The following ADGRV1 variants were observed in gnomAD, a reference collection of about 807,000 sequenced individuals.
The protein encoded by ADGRV1 is adhesion G protein-coupled receptor V1, also known as G-protein coupled receptor 98.
In ADGRV1, 359 loss-of-function variants were observed where a neutral mutation model predicts 596.2. That is an observed-to-expected ratio of 0.60 (90% CI 0.55 to 0.66). ADGRV1 has a LOEUF of 0.66. ADGRV1 is among the 30% of genes least tolerant of loss of function. The probability of loss-of-function intolerance (pLI) is 0.00; values close to 1 mark genes in which losing one functional copy is unlikely to be tolerated. For synonymous variants in ADGRV1, 2,681 were observed against 2,679.2 expected (o/e 1.00, Z -0.02); for missense variants, 7,274 against 7,575.6 (o/e 0.96, Z 1.48).
chr5:90,842,451 C>T (rs1765515180), intron 78 of ADGRV1, among the ~76,000 whole-genome samples: 1 of 151,920 alleles, frequency 6.6e-6, no homozygotes, highest in South Asian at 2.1e-4. Context: ...TAAAATATTG[C>T]CTGTAATCCC....
intron 1 of ADGRV1, among the ~76,000 whole-genome samples, chr5:90,613,188 A>C (rs762882994): frequency 2.2e-4 from 33 of 152,230 alleles, no homozygotes; most frequent in Admixed American, 8.5e-4. Context: ...CAAGGACTGT[A>C]GATTTTTCTT....
At position 91,032,476 on chromosome 5, in the gene ADGRV1, T is replaced by C. The variant is rs115728267; in HGVS notation, c.18153-39971T>C. 6.1e-3 allele frequency among the ~76,000 whole-genome samples: 930 copies of C among 152,272 alleles called. 8 individuals carry two copies. Among genetic ancestry groups the C allele is most frequent in the African/African-American group, 0.022 (898 of 41,562 alleles). On this transcript the variant is annotated intron_variant, in intron 85 of 89. Coordinates refer to ENST00000405460, the MANE Select transcript of ADGRV1 (RefSeq NM_032119.4). Reference sequence around the variant, plus strand: ...GTCGTCTATCTCTGCTACCTTCATTTGTCTTTATTTCACCAATATTGGCTT... The same window carrying C: ...GTCGTCTATCTCTGCTACCTTCATTCGTCTTTATTTCACCAATATTGGCTT...
At position 90,778,536 on chromosome 5, in the gene ADGRV1, T is replaced by A; in HGVS notation, c.12776T>A (p.Val4259Glu). ...TCCAGCAGCACTGCCAACATCACGG[T>A]GGTGGCCAGCGACTCTCCCTATGGC... ...SESSSTANIT[V>E]VASDSPYGRF... Residue 4259 changes from valine (V) to glutamate (E), a missense_variant, in exon 63 of 90, where the codon GTG becomes GAG. Transcript: ENST00000405460. 12 of 1,613,022 alleles carry A rather than the reference T, an allele frequency of 7.4e-6. No individual in the cohort carries two copies. Among genetic ancestry groups the A allele is most frequent in the Non-Finnish European group, 9.3e-6 (11 of 1,179,426 alleles).
intron 83 of ADGRV1, among the ~76,000 whole-genome samples, chr5:90,901,949 T>C (rs1469946154): frequency 6.6e-6 from 1 of 152,054 alleles, no homozygotes; most frequent in Non-Finnish European, 1.5e-5. Flanking sequence ...CTTGGGATAG[T>C]GGAAGCAGAG....
chr5:90,883,601 G>A (rs1402282257), intron 83 of ADGRV1, among the ~76,000 whole-genome samples: 1 of 152,072 alleles, frequency 6.6e-6, no homozygotes, highest in Non-Finnish European at 1.5e-5. Flanking sequence ...CCTTCCAAAT[G>A]TATTTGCATA....
chr5:91,121,605 C>T (rs1401556632), intron 87 of ADGRV1, among the ~76,000 whole-genome samples: 3 of 152,076 alleles, frequency 2.0e-5, no homozygotes, highest in South Asian at 2.1e-4. Context: ...ATTCGAGCTG[C>T]GGTTCAGAAC....
At chr5:90,991,877 A>G (rs959907767) in intron 85 of ADGRV1, among the ~76,000 whole-genome samples, 1 of 152,126 alleles carries the variant, frequency 6.6e-6, no homozygotes, top group Non-Finnish European at 1.5e-5. Flanking sequence ...GAGAATCATG[A>G]AAAAAAAGTT....
In ADGRV1 at chr5:90,629,408, G is replaced by A. The variant is rs773004437; in HGVS notation, c.1708G>A (p.Ala570Thr). 2 of 1,613,528 alleles carry A rather than the reference G, an allele frequency of 1.2e-6. No homozygotes were observed. Among genetic ancestry groups the A allele is most frequent in the Non-Finnish European group, 1.7e-6 (2 of 1,179,818 alleles). Residue 570 changes from alanine (A) to threonine (T), a missense_variant, in exon 9 of 90, where the codon GCA becomes ACA. Physicochemically the swap from Ala to Thr is moderately conservative, Grantham distance 58 (BLOSUM62 0). Around this residue, in one of 5 missense-constraint regions of ADGRV1, gnomAD observed 1,715 missense variants for 1,708.8 expected, o/e 1.00. Transcript: ENST00000405460. ...TGCTGGAGCTGTGGACCCCTTGCAAGCAAAAGAAGGCATCTTAAATATATC... is the reference window on the plus strand; with the variant it reads ...TGCTGGAGCTGTGGACCCCTTGCAAACAAAAGAAGGCATCTTAAATATATC... Reference protein sequence around the residue: ...IPAGAVDPLQAKEGILNISRR... With the variant: ...IPAGAVDPLQTKEGILNISRR...
Position 90,813,132 on chromosome 5 carries a change from CAAAAAAAAAAAAAAAA to C in ADGRV1, c.16078+1811_16078+1826del, listed in dbSNP as rs5869522. Among the ~76,000 whole-genome samples the C allele has an allele frequency of 2.7e-3, 94 of 34,922 alleles. 2 individuals are homozygous for C. The highest frequency in any genetic ancestry group is 0.045 in the Middle Eastern group (1 of 22). The allele number at this position is 34,922 out of a possible 152,430, so 22.9% of individuals were successfully genotyped here. A position where few individuals can be genotyped will look rare whatever the true frequency, so the allele number is the denominator to read the frequency against. On this transcript the variant is annotated intron_variant, in intron 74 of 89. Transcript: ENST00000405460. ...TGGGCGACAGAGTAAGACTCCGTCT[CAAAAAAAAAAAAAAAA>C]AAAAAAAAAAAAAAAATTTATTTGG...
At chr5:90,966,222 G>GA (rs1298546263) in intron 84 of ADGRV1, among the ~76,000 whole-genome samples, 1 of 152,150 alleles carries the variant, frequency 6.6e-6, no homozygotes, top group Non-Finnish European at 1.5e-5. Context: ...GTGCCTATGA[G>GA]ACTTCCAGTG....
At chr5:90,968,465 T>A (rs762667833) in intron 84 of ADGRV1, among the ~76,000 whole-genome samples, 3 of 152,222 alleles carry the variant, frequency 2.0e-5, no homozygotes, top group Non-Finnish European at 4.4e-5. Context: ...CTGATTCACA[T>A]TTAGTAGACC....
intron 87 of ADGRV1, among the ~76,000 whole-genome samples, chr5:91,145,608 C>G (rs2126869244): frequency 6.7e-6 from 1 of 149,358 alleles, no homozygotes; most frequent in East Asian, 2.1e-4. Context: ...AACTAATTCA[C>G]TTATTATCAT....
chr5:90,850,434 A>G (rs1766369306), intron 79 of ADGRV1, among the ~76,000 whole-genome samples: 1 of 152,164 alleles, frequency 6.6e-6, no homozygotes, highest in Non-Finnish European at 1.5e-5. Flanking sequence ...TCAGCTCCTT[A>G]GTGCCTCTTA....
At chr5:91,024,366 T>C (rs1163868001) in intron 85 of ADGRV1, among the ~76,000 whole-genome samples, 1 of 152,144 alleles carries the variant, frequency 6.6e-6, no homozygotes, top group East Asian at 1.9e-4. Flanking sequence ...TTTTAGTAGG[T>C]TAATAAACCC....
In ADGRV1 at chr5:90,823,513, G is replaced by C. The variant is rs183851734; in HGVS notation, c.16285G>C (p.Glu5429Gln). The change falls in exon 76 of 90, where the codon GAA becomes CAA. Residue 5429 changes from glutamate to glutamine, a missense_variant. Glu to Gln is a conservative substitution (Grantham distance 29). Coordinates refer to ENST00000405460, the MANE Select transcript of ADGRV1 (RefSeq NM_032119.4). ...LQKDGVNLVE[E>Q]LQSVSGTTTC... ...GAAGGATGGGGTAAACCTGGTGGAGGAACTTCAGTCTGTGTCAGGGACCAC... is the reference window on the plus strand; with the variant it reads ...GAAGGATGGGGTAAACCTGGTGGAGCAACTTCAGTCTGTGTCAGGGACCAC... The C allele has an allele frequency of 1.9e-6, 3 of 1,613,728 alleles. No homozygotes were observed. Among genetic ancestry groups the C allele is most frequent in the Admixed American group, 1.7e-5 (1 of 60,002 alleles).
At chr5:90,754,874 TC>T in intron 54 of ADGRV1, 108 bp from the exon 55 acceptor site, 2 of 724,478 alleles carry the variant, frequency 2.8e-6, no homozygotes, top group Non-Finnish European at 4.6e-6. Context: ...TACTTCTTTT[TC>T]CTTAACTGTC....
intron 85 of ADGRV1, among the ~76,000 whole-genome samples, chr5:91,021,121 G>T (rs1783597608): frequency 6.6e-6 from 1 of 152,036 alleles, no homozygotes. Flanking sequence ...TGGATCCTAA[G>T]AGCAGTTATT....
intron 84 of ADGRV1, among the ~76,000 whole-genome samples, chr5:90,984,894 T>C (rs1395782311): frequency 1.3e-5 from 2 of 152,206 alleles, no homozygotes; most frequent in East Asian, 3.9e-4. Flanking sequence ...ACTAGAACAG[T>C]ATCTGGCCCT....
At chr5:90,726,720 T>C (rs1751840588) in intron 48 of ADGRV1, among the ~76,000 whole-genome samples, 1 of 151,758 alleles carries the variant, frequency 6.6e-6, no homozygotes, top group African/African-American at 2.4e-5. Flanking sequence ...CCTCTTCCCT[T>C]TCGTAAACTT....
Sources: allele counts gnomAD v4.1 joint callset (sites outside exome capture counted in the v4.1 genomes callset), GRCh38; gene constraint gnomAD v4.1.1; regional missense constraint gnomAD v4.1.1; transcripts MANE v1.5; gene names NCBI Gene and HGNC (gene_info 2026-07-23, HGNC 2026-07-21).